Variants in PPP1R9A observed in about 807,000 individuals in gnomAD.
PPP1R9A encodes neurabin-1.
A neutral mutation model predicts 141.9 loss-of-function variants in PPP1R9A; 59 were observed. The ratio of observed to expected loss-of-function variants is 0.42; its 90% CI spans 0.34 to 0.52. The LOEUF (loss-of-function observed/expected upper bound fraction) is 0.52. Ranked by LOEUF, PPP1R9A falls within the 20% of genes least tolerant of loss-of-function variation. The pLI is 0.10. For missense variants in PPP1R9A, 1,444 were observed against 1,611.9 expected, an observed-to-expected ratio of 0.90 and a Z score of 1.78; for synonymous variants, 500 against 569.7, an observed-to-expected ratio of 0.88 and a Z score of 1.74.
intron 7 of PPP1R9A, among the ~76,000 whole-genome samples, chr7:95,211,813 G>A (rs1158359332): frequency 1.3e-5 from 2 of 152,036 alleles, no homozygotes; most frequent in South Asian, 2.1e-4. Context: ...ATAGCAAGAC[G>A]TGTCTCTAAA....
At chr7:95,015,547 G>A (rs1004619351) in intron 2 of PPP1R9A, among the ~76,000 whole-genome samples, 2 of 152,056 alleles carry the variant, frequency 1.3e-5, no homozygotes, top group African/African-American at 4.8e-5. Context: ...GAAAAGTAGA[G>A]ATAAAAGATT....
intron 2 of PPP1R9A, among the ~76,000 whole-genome samples, chr7:94,934,128 GGGTAA>G (rs1469650715): frequency 9.2e-5 from 14 of 152,070 alleles, no homozygotes; most frequent in Admixed American, 2.6e-4. Flanking sequence ...CACAAAATGA[GGGTAA>G]AGTAAGAGGT....
chr7:95,003,387 G>A (rs1366499123), intron 2 of PPP1R9A, among the ~76,000 whole-genome samples: 1 of 152,072 alleles, frequency 6.6e-6, no homozygotes, highest in Non-Finnish European at 1.5e-5. Context: ...AACTCAACTT[G>A]TTATTCTGCA....
chr7:94,996,798 T>TG (rs1366839964), intron 2 of PPP1R9A, among the ~76,000 whole-genome samples: 7 of 128,038 alleles, frequency 5.5e-5, no homozygotes, highest in African/African-American at 1.9e-4. Flanking sequence ...AGATACTCTG[T>TG]GTTTTTTTTT....
rs1182323398 is a variant in PPP1R9A, at chr7:95,295,353, T to C, written c.*5050T>C. 3.3e-5 allele frequency: 5 copies of C among 152,684 alleles called. No individual in the cohort carries two copies. The highest frequency in any genetic ancestry group is 6.5e-5 in the Admixed American group (1 of 15,288). The allele number at this position is 152,684 out of a possible 1,614,324, so 9.5% of individuals were successfully genotyped here. ...TAAAATTGATTTATCAGATACTTGG[T>C]ATTTTAGTAAGAAAATTTCCTCAAA... On this transcript the variant is annotated 3_prime_UTR_variant, in exon 20 of 20. Transcript: ENST00000433360.
chr7:95,009,359 C>G (rs1485500978), intron 2 of PPP1R9A, among the ~76,000 whole-genome samples: 1 of 152,176 alleles, frequency 6.6e-6, no homozygotes, highest in African/African-American at 2.4e-5. Flanking sequence ...GCTGCCTACT[C>G]TCTTGACAGG....
chr7:95,000,093 G>C (rs1054331140), intron 2 of PPP1R9A, among the ~76,000 whole-genome samples: 1 of 152,068 alleles, frequency 6.6e-6, no homozygotes, highest in Non-Finnish European at 1.5e-5. Flanking sequence ...ATGAGCCACC[G>C]CGCCCAGCCA....
intron 4 of PPP1R9A, 73 bp downstream of exon 4, chr7:95,120,905 T>A: frequency 6.7e-7 from 1 of 1,484,264 alleles, no homozygotes; most frequent in Non-Finnish European, 9.0e-7. Flanking sequence ...CAGTTGTAGC[T>A]TTTTGCTTTT....
chr7:95,288,561 A>T lies in PPP1R9A; in HGVS notation c.3755A>T (p.Lys1252Ile). ...DEILDDGQSP[K>I]HSQCQNRAVQ... ...ATCCTTGATGATGGACAGTCTCCCA[A>T]ACACAGTCAGTGTCAGAATCGGGCC... Residue 1252 changes from lysine (K) to isoleucine (I), a missense_variant, in exon 19 of 20, where the codon AAA becomes ATA. Lys to Ile is a moderately radical substitution (Grantham distance 102). Transcript: ENST00000433360. 6.2e-7 allele frequency: 1 copy of T among 1,614,020 alleles called. No homozygotes were observed. The highest frequency in any genetic ancestry group is 8.5e-7 in the Non-Finnish European group (1 of 1,179,962).
At chr7:95,258,302 G>A (rs1470267713) in intron 12 of PPP1R9A, among the ~76,000 whole-genome samples, 1 of 152,140 alleles carries the variant, frequency 6.6e-6, no homozygotes, top group Non-Finnish European at 1.5e-5. Flanking sequence ...TCTTTTGGCT[G>A]CATAAATGTC....
intron 14 of PPP1R9A, among the ~76,000 whole-genome samples, chr7:95,273,335 C>T (rs1043205499): frequency 6.6e-6 from 1 of 152,180 alleles, no homozygotes. Context: ...TCCCCCATGT[C>T]CTCCCCTCCT....
chr7:95,220,544 C>A, intron 7 of PPP1R9A, among the ~76,000 whole-genome samples: 1 of 152,050 alleles, frequency 6.6e-6, no homozygotes, highest in East Asian at 1.9e-4. Flanking sequence ...TCCTGGAAAG[C>A]TGAGATTAAC....
At chr7:95,250,478 G>T (rs1444328625) in intron 10 of PPP1R9A, among the ~76,000 whole-genome samples, 1 of 152,078 alleles carries the variant, frequency 6.6e-6, no homozygotes, top group Non-Finnish European at 1.5e-5. Flanking sequence ...GGCTGCCAGG[G>T]CCTCTTTGCT....
In PPP1R9A at chr7:95,083,763, G is replaced by C. The variant is rs190867881; in HGVS notation, c.1396-27496G>C. ...GCAGCAAGAAATATATTTGTAATTG[G>C]GTTCCAAAAAGTAGATGAGGGATGA... On this transcript the variant is annotated intron_variant, in intron 2 of 19. Coordinates refer to ENST00000433360, the MANE Select transcript of PPP1R9A (RefSeq NM_001166160.2). Among the ~76,000 whole-genome samples the C allele has an allele frequency of 6.5e-3, 995 of 151,914 alleles. 24 individuals are homozygous for C. The highest frequency in any genetic ancestry group is 0.023 in the African/African-American group (948 of 41,284).
Position 95,273,945 on chromosome 7 carries a change from G to C in PPP1R9A, c.3171G>C (p.Ala1057=). ...PKSLRASSSL[A]VQGGKIKRKF... ...CACTAAGGGCATCCAGTTCATTGGC[G>C]GTGCAAGGAGGAAAAATTAAGCGGA... Residue 1057 remains alanine (A), a synonymous_variant, in exon 15 of 20, where the codon GCG becomes GCC. Coordinates refer to ENST00000433360, the MANE Select transcript of PPP1R9A (RefSeq NM_001166160.2). The C allele has an allele frequency of 1.3e-6, 2 of 1,505,126 alleles. No homozygotes were observed. Among genetic ancestry groups the C allele is most frequent in the Non-Finnish European group, 1.8e-6 (2 of 1,095,258 alleles). The allele number at this position is 1,505,126 out of a possible 1,614,324, so 93.2% of individuals were successfully genotyped here. A position where few individuals can be genotyped will look rare whatever the true frequency, so the allele number is the denominator to read the frequency against.
At chr7:95,258,937 A>G (rs997305323) in intron 12 of PPP1R9A, among the ~76,000 whole-genome samples, 3 of 152,212 alleles carry the variant, frequency 2.0e-5, no homozygotes, top group Admixed American at 1.3e-4. Flanking sequence ...CGATGTGTAT[A>G]TATATCCTCC....
chr7:95,010,816 A>C (rs1255080610), intron 2 of PPP1R9A, among the ~76,000 whole-genome samples: 1 of 152,168 alleles, frequency 6.6e-6, no homozygotes, highest in African/African-American at 2.4e-5. Flanking sequence ...AACAGATAAT[A>C]TTTTAAAATT....
chr7:95,101,066 A>G (rs1414332064), intron 2 of PPP1R9A, among the ~76,000 whole-genome samples: 2 of 151,306 alleles, frequency 1.3e-5, no homozygotes, highest in African/African-American at 4.9e-5. Context: ...GTTAGCCAGG[A>G]TGGTCTCGAT....
At chr7:95,071,835 A>G (rs1813857575) in intron 2 of PPP1R9A, among the ~76,000 whole-genome samples, 1 of 151,932 alleles carries the variant, frequency 6.6e-6, no homozygotes, top group South Asian at 2.1e-4. Flanking sequence ...GTTAATTATT[A>G]CACTATTACG....
Sources: allele counts gnomAD v4.1 joint callset (sites outside exome capture counted in the v4.1 genomes callset), GRCh38; gene constraint gnomAD v4.1.1; transcripts MANE v1.5; gene names NCBI Gene and HGNC (gene_info 2026-07-23, HGNC 2026-07-21).